The following SPNS2 variants were observed in gnomAD, a reference collection of about 807,000 sequenced individuals.
SPNS2 encodes sphingosine-1-phosphate transporter SPNS2.
SPNS2 carries 37 observed loss-of-function variants against 57.6 expected under a neutral mutation model. The ratio of observed to expected loss-of-function variants is 0.64; its 90% CI spans 0.49 to 0.85. The LOEUF is 0.85. Ranked by LOEUF, SPNS2 falls within the 40% of genes least tolerant of loss-of-function variation. The pLI, the probability that SPNS2 is intolerant of heterozygous loss-of-function variation, is 0.00. For synonymous variants in SPNS2, 440 were observed against 346.9 expected, an observed-to-expected ratio of 1.27 and a Z score of -2.98; for missense variants, 831 against 779.1, an observed-to-expected ratio of 1.07 and a Z score of -0.79.
Position 4,499,417 on chromosome 17 carries a change from G to C in SPNS2, c.370G>C (p.Gly124Arg), listed in dbSNP as rs1277872283. ...CTACCTGGACAGGTACACCGTGGCA[G>C]GTGAGCGAGTGCCCCACCCAGCCCG... Reference protein sequence around the residue: ...LNYLDRYTVAGVLLDIQQHFG... With the variant: ...LNYLDRYTVARVLLDIQQHFG... The change falls in exon 1 of 13, where the codon GGC becomes CGC. Residue 124 changes from glycine to arginine, a missense_variant and splice_region_variant. By Grantham distance (125) the Gly-to-Arg change is moderately radical. Transcript: ENST00000329078. The surrounding 1 kb of genome is among the most constrained non-coding windows in gnomAD (Gnocchi z 5.2). 1 of 1,327,230 alleles carries C rather than the reference G, an allele frequency of 7.5e-7. No homozygotes were observed. Among genetic ancestry groups the C allele is most frequent in the Non-Finnish European group, 9.6e-7 (1 of 1,036,456 alleles). 82.2% of individuals were successfully genotyped at this position (1,327,230 alleles called of 1,614,324 possible). A position where few individuals can be genotyped will look rare whatever the true frequency, so the allele number is the denominator to read the frequency against.
chr17:4,528,205 T>C (rs2144354799), intron 3 of SPNS2, among the ~76,000 whole-genome samples: 1 of 151,936 alleles, frequency 6.6e-6, no homozygotes, highest in Non-Finnish European at 1.5e-5. Context: ...GTATTTTTAA[T>C]AGAGATGGGG....
intron 1 of SPNS2, among the ~76,000 whole-genome samples, chr17:4,500,605 G>A (rs985753979): frequency 4.6e-5 from 7 of 152,258 alleles, no homozygotes; most frequent in African/African-American, 9.6e-5. Context: ...GAGAGAGAGA[G>A]GAGATAGGAG....
intron 1 of SPNS2, among the ~76,000 whole-genome samples, chr17:4,509,980 A>T (rs1904786318): frequency 6.6e-6 from 1 of 152,158 alleles, no homozygotes; most frequent in South Asian, 2.1e-4. Context: ...TCCAGGAAAG[A>T]GGCTAAAAAT....
intron 1 of SPNS2, among the ~76,000 whole-genome samples, chr17:4,508,264 G>A (rs1904733548): frequency 6.6e-6 from 1 of 152,212 alleles, no homozygotes; most frequent in Non-Finnish European, 1.5e-5. Context: ...GGGCTGGGCG[G>A]CCTACAGCCT....
chr17:4,536,747 C>A, intron 11 of SPNS2, 153 bp from the exon 12 acceptor site: 1 of 689,704 alleles, frequency 1.4e-6, no homozygotes, highest in East Asian at 2.7e-5. Flanking sequence ...CTCCTCTCCC[C>A]ACCCCTGGGC....
chr17:4,524,435 A>T (rs1597366083), intron 2 of SPNS2, among the ~76,000 whole-genome samples: 4 of 152,344 alleles, frequency 2.6e-5, no homozygotes, highest in African/African-American at 9.6e-5. Flanking sequence ...GTGTAATCCC[A>T]GCACTTTGGG....
intron 1 of SPNS2, among the ~76,000 whole-genome samples, chr17:4,509,224 G>A (rs1225879995): frequency 1.3e-5 from 2 of 152,234 alleles, no homozygotes; most frequent in Non-Finnish European, 1.5e-5. Flanking sequence ...CCAGGAGGTG[G>A]TTGGTTTCAG....
chr17:4,499,870 C>A lies in SPNS2; in HGVS notation c.370+453C>A, dbSNP rs1015349320. Among the ~76,000 whole-genome samples, 1 of 152,200 alleles carries A rather than the reference C, an allele frequency of 6.6e-6. No individual in the cohort carries two copies. Among genetic ancestry groups the A allele is most frequent in the Admixed American group, 6.5e-5 (1 of 15,284 alleles). ...TCCTTCCTTTCTCCGCCGCCTCCAC[C>A]CCCCTGCGTGCGTGCGGCGAGTGCG... On this transcript the variant is annotated intron_variant, in intron 1 of 12. Transcript: ENST00000329078. The surrounding 1 kb of genome is among the most constrained non-coding windows in gnomAD (Gnocchi z 5.2).
chr17:4,525,229 T>A (rs370586037), intron 3 of SPNS2, 36 bp downstream of exon 3: 2 of 1,606,592 alleles, frequency 1.2e-6, no homozygotes, highest in African/African-American at 1.3e-5. Flanking sequence ...GACCCCTGTG[T>A]CCTGGTCCCT....
In SPNS2 at chr17:4,510,147, C is replaced by T. The variant is rs148376812; in HGVS notation, c.371-3100C>T. On this transcript the variant is annotated intron_variant, in intron 1 of 12. Coordinates refer to ENST00000329078, the MANE Select transcript of SPNS2 (RefSeq NM_001124758.3). The surrounding 1 kb of genome is among the most constrained non-coding windows in gnomAD (Gnocchi z 4.4). Reference sequence around the variant, plus strand: ...CTGTGGCTGTGGCCGCCTCCAGGCCCGGAAGAGGGAAAGCAAGCCAGAAAG... The same window carrying T: ...CTGTGGCTGTGGCCGCCTCCAGGCCTGGAAGAGGGAAAGCAAGCCAGAAAG... Among the ~76,000 whole-genome samples the T allele has an allele frequency of 7.1e-3, 1,080 of 152,340 alleles. 4 individuals are homozygous for T. Among genetic ancestry groups the T allele is most frequent in the Middle Eastern group, 0.024 (7 of 294 alleles).
intron 2 of SPNS2, among the ~76,000 whole-genome samples, chr17:4,515,523 A>T (rs1904962264): frequency 6.6e-6 from 1 of 152,136 alleles, no homozygotes; most frequent in African/African-American, 2.4e-5. Flanking sequence ...TCTGTACACC[A>T]TGGCCCTCAC....
Position 4,499,511 on chromosome 17 carries a change from G to A in SPNS2, c.370+94G>A. 1 of 785,030 alleles carries A rather than the reference G, an allele frequency of 1.3e-6. No homozygotes were observed. Among genetic ancestry groups the A allele is most frequent in the Non-Finnish European group, 1.8e-6 (1 of 553,138 alleles). The allele number at this position is 785,030 out of a possible 1,614,324, so 48.6% of individuals were successfully genotyped here. ...GTACCCCAGAGAGCTTTTGGTCTCA[G>A]GCCTGCTATCTCCAGGCCCTACGTG... is the stretch of plus-strand genomic sequence containing the variant. On this transcript the variant is annotated intron_variant, in intron 1 of 12. Coordinates refer to ENST00000329078, the MANE Select transcript of SPNS2 (RefSeq NM_001124758.3). The surrounding 1 kb of genome is among the most constrained non-coding windows in gnomAD (Gnocchi z 5.2).
chr17:4,531,179 GC>G, intron 5 of SPNS2, 60 bp downstream of exon 5: 1 of 1,542,990 alleles, frequency 6.5e-7, no homozygotes, highest in Non-Finnish European at 8.9e-7. Flanking sequence ...CCCCAGGGTT[GC>G]CCAGAGATGT....
At chr17:4,535,389 G>T (rs961655640) in intron 9 of SPNS2, among the ~76,000 whole-genome samples, 12 of 152,344 alleles carry the variant, frequency 7.9e-5, no homozygotes, top group African/African-American at 2.9e-4. Context: ...TCAGGGAGGG[G>T]AACCAAGATG....
At chr17:4,527,092 AGAT>A (rs1905279274) in intron 3 of SPNS2, among the ~76,000 whole-genome samples, 1 of 152,238 alleles carries the variant, frequency 6.6e-6, no homozygotes, top group Non-Finnish European at 1.5e-5. Context: ...AGGAGACAGA[AGAT>A]AAGCAAAGGC....
At chr17:4,518,346 A>G (rs1022352167) in intron 2 of SPNS2, among the ~76,000 whole-genome samples, 8 of 152,140 alleles carry the variant, frequency 5.3e-5, no homozygotes, top group African/African-American at 1.9e-4. Context: ...AACATGGTGA[A>G]ACCCCGTCTC....
chr17:4,507,273 G>A (rs1904708926), intron 1 of SPNS2, among the ~76,000 whole-genome samples: 2 of 152,218 alleles, frequency 1.3e-5, no homozygotes, highest in Non-Finnish European at 2.9e-5. Context: ...ACTGGTGAAG[G>A]GCATCAGGGC....
At chr17:4,505,871 C>G (rs1178810777) in intron 1 of SPNS2, among the ~76,000 whole-genome samples, 10 of 152,220 alleles carry the variant, frequency 6.6e-5, no homozygotes, top group Admixed American at 2.6e-4. Flanking sequence ...GGTCTCCCCA[C>G]TCCCACTCCT....
chr17:4,530,118 G>A (rs1905399359), intron 3 of SPNS2, among the ~76,000 whole-genome samples: 1 of 152,228 alleles, frequency 6.6e-6, no homozygotes, highest in African/African-American at 2.4e-5. Context: ...TGTGCAGGGG[G>A]AGGGGCTCTG....
Sources: gnomAD v4.1 joint callset for allele counts (sites outside exome capture counted in the v4.1 genomes callset) on GRCh38, gnomAD v4.1.1 for gene constraint, Gnocchi (gnomAD v3.1) non-coding constraint, MANE v1.5 for transcripts, NCBI Gene and HGNC (gene_info 2026-07-23, HGNC 2026-07-21) for gene names.